Variants in TNN observed in about 807,000 individuals in gnomAD.
TNN encodes the protein tenascin N.
A neutral mutation model predicts 134.4 loss-of-function variants in TNN; 122 were observed. The ratio of observed to expected loss-of-function variants is 0.91; its 90% confidence interval spans 0.78 to 1.06. TNN has a LOEUF of 1.06. Ranked by LOEUF, TNN falls within the 50% of genes least tolerant of loss-of-function variation. The pLI is 0.00. For missense variants in TNN, 1,739 were observed against 1,699.4 expected, an observed-to-expected ratio of 1.02 and a Z score of -0.41; for synonymous variants, 710 against 670.3, an observed-to-expected ratio of 1.06 and a Z score of -0.91.
chr1:175,121,308 G>T (rs1210298240), intron 11 of TNN, among the ~76,000 whole-genome samples: 1 of 152,206 alleles, frequency 6.6e-6, no homozygotes, highest in Non-Finnish European at 1.5e-5. Flanking sequence ...AAACGGAAGA[G>T]TATGTGTGAT....
intron 7 of TNN, among the ~76,000 whole-genome samples, chr1:175,095,753 T>C (rs1410817544): frequency 2.6e-5 from 4 of 152,120 alleles, no homozygotes; most frequent in Admixed American, 2.6e-4. Flanking sequence ...TTTGTATTTT[T>C]AATAGAGACG....
intron 1 of TNN, among the ~76,000 whole-genome samples, chr1:175,068,155 A>G (rs537906597): frequency 4.9e-4 from 75 of 152,352 alleles, no homozygotes; most frequent in African/African-American, 1.8e-3. Flanking sequence ...AGTCTCAGAC[A>G]GGGCTAAGCA....
intron 1 of TNN, among the ~76,000 whole-genome samples, chr1:175,076,414 A>C (rs1362270709): frequency 2.6e-5 from 4 of 152,180 alleles, no homozygotes; most frequent in Non-Finnish European, 1.5e-5. Flanking sequence ...TCCTGTCCTT[A>C]ACAGGCTCAC....
At chr1:175,073,671 A>G (rs1354383106) in intron 1 of TNN, among the ~76,000 whole-genome samples, 1 of 152,074 alleles carries the variant, frequency 6.6e-6, no homozygotes, top group Non-Finnish European at 1.5e-5. Flanking sequence ...TGGCTTCACC[A>G]GTTTGCTGCT....
At chr1:175,091,176 T>A (rs1458533384) in intron 6 of TNN, among the ~76,000 whole-genome samples, 1 of 152,226 alleles carries the variant, frequency 6.6e-6, no homozygotes, top group African/African-American at 2.4e-5. Context: ...TCTCAGCACC[T>A]GATCCCCATC....
chr1:175,114,189 C>A (rs1675106845), intron 9 of TNN, among the ~76,000 whole-genome samples: 1 of 152,158 alleles, frequency 6.6e-6, no homozygotes, highest in South Asian at 2.1e-4. Flanking sequence ...CTCTTCTAAA[C>A]TTTCTAGAGT....
intron 9 of TNN, among the ~76,000 whole-genome samples, chr1:175,116,564 A>G (rs1049941150): frequency 7.2e-5 from 11 of 152,252 alleles, no homozygotes; most frequent in Non-Finnish European, 1.0e-4. Flanking sequence ...CAGATTTTAC[A>G]GATGAAGAAG....
intron 11 of TNN, among the ~76,000 whole-genome samples, chr1:175,122,171 G>T (rs1675394016): frequency 6.6e-6 from 1 of 151,100 alleles, no homozygotes; most frequent in Non-Finnish European, 1.5e-5. Context: ...TAGGTGAATT[G>T]CTTGAGCTCA....
intron 17 of TNN, among the ~76,000 whole-genome samples, chr1:175,140,307 A>G (rs1400647102): frequency 6.6e-6 from 1 of 152,176 alleles, no homozygotes; most frequent in Non-Finnish European, 1.5e-5. Flanking sequence ...TTCTCAGGTT[A>G]AAGAAGTCTA....
At chr1:175,073,073 G>T (rs899743525) in intron 1 of TNN, among the ~76,000 whole-genome samples, 3 of 151,862 alleles carry the variant, frequency 2.0e-5, no homozygotes, top group Admixed American at 2.0e-4. Context: ...TTTTTGCCCA[G>T]GAAGAAGATT....
intron 12 of TNN, among the ~76,000 whole-genome samples, chr1:175,125,694 C>T (rs1488632711): frequency 1.8e-5 from 1 of 54,152 alleles, no homozygotes; most frequent in Admixed American, 2.3e-4. Context: ...TTCTTTCTCT[C>T]TTTTTTCTCT....
chr1:175,082,911 A>T (rs1339406615), intron 4 of TNN, among the ~76,000 whole-genome samples: 1 of 151,716 alleles, frequency 6.6e-6, no homozygotes, highest in African/African-American at 2.4e-5. Context: ...TAGTCCTCCC[A>T]TCCCTAGAAA....
chr1:175,122,778 G>A (rs571102739), intron 11 of TNN, among the ~76,000 whole-genome samples: 20 of 152,310 alleles, frequency 1.3e-4, no homozygotes, highest in Admixed American at 3.9e-4. Flanking sequence ...CAGAGAAATG[G>A]AATGATACGG....
chr1:175,147,527 C>T lies in TNN; in HGVS notation c.*456C>T, dbSNP rs1029976942. On this transcript the variant is annotated 3_prime_UTR_variant, in exon 19 of 19. Transcript: ENST00000239462. ...CAACCGGACGTTTGTCACCTCCTTT[C>T]CCATTGGGTTTTTAGGAAAACAGTG... 6 of 152,842 alleles carry T rather than the reference C, an allele frequency of 3.9e-5. No homozygotes were observed. The highest frequency in any genetic ancestry group is 8.8e-5 in the Non-Finnish European group (6 of 68,522). The allele number at this position is 152,842 out of a possible 1,614,324, so 9.5% of individuals were successfully genotyped here.
intron 1 of TNN, among the ~76,000 whole-genome samples, chr1:175,070,641 A>G (rs1291370274): frequency 6.6e-6 from 1 of 152,222 alleles, no homozygotes; most frequent in Non-Finnish European, 1.5e-5. Context: ...ATGCAATCCT[A>G]TATTCAACAT....
chr1:175,102,953 A>T (rs990860501), intron 9 of TNN, among the ~76,000 whole-genome samples: 2 of 146,280 alleles, frequency 1.4e-5, no homozygotes, highest in East Asian at 4.6e-4. Context: ...GGGGCAAAGA[A>T]GGGGCCCTGC....
chr1:175,112,184 A>G (rs1376033834), intron 9 of TNN, among the ~76,000 whole-genome samples: 2 of 152,042 alleles, frequency 1.3e-5, no homozygotes, highest in African/African-American at 4.8e-5. Context: ...TAGCTTGTTT[A>G]GGGTTTTTAT....
At chr1:175,090,792 C>T (rs917673968) in intron 6 of TNN, among the ~76,000 whole-genome samples, 1 of 152,312 alleles carries the variant, frequency 6.6e-6, no homozygotes, top group African/African-American at 2.4e-5. Flanking sequence ...TTCTAACTAA[C>T]GTATGTACTC....
intron 9 of TNN, among the ~76,000 whole-genome samples, chr1:175,101,046 A>T (rs1341421238): frequency 6.6e-6 from 1 of 152,232 alleles, no homozygotes; most frequent in Non-Finnish European, 1.5e-5. Context: ...TTTGAAATGT[A>T]CAATAAATCA....
Sources: allele counts gnomAD v4.1 joint callset (sites outside exome capture counted in the v4.1 genomes callset), GRCh38; gene constraint gnomAD v4.1.1; transcripts MANE v1.5; gene names NCBI Gene and HGNC (gene_info 2026-07-23, HGNC 2026-07-21).